Variants in OVOL2 observed in about 807,000 individuals in gnomAD.
OVOL2 encodes the protein ovo like zinc finger 2, also known as transcription factor Ovo-like 2.
In OVOL2, 13 loss-of-function variants were observed where a neutral mutation model predicts 18.1. The ratio of observed to expected loss-of-function variants is 0.72; its 90% confidence interval spans 0.47 to 1.14. OVOL2 has a LOEUF of 1.14. Ranked by LOEUF, OVOL2 falls within the 50% of genes most tolerant of loss-of-function variation. OVOL2 has a pLI of 0.00. For missense variants in OVOL2, 335 were observed against 383.0 expected (o/e 0.87, Z 1.05); for synonymous variants, 166 against 162.7 (o/e 1.02, Z -0.16).
chr20:18,047,927 A>C (rs1255276555), intron 2 of OVOL2, among the ~76,000 whole-genome samples: 1 of 151,782 alleles, frequency 6.6e-6, no homozygotes. Context: ...GGTGCTTTGT[A>C]AGTCCTATTA....
At chr20:18,048,446 G>A (rs1010513450) in intron 2 of OVOL2, among the ~76,000 whole-genome samples, 1 of 152,122 alleles carries the variant, frequency 6.6e-6, no homozygotes, top group African/African-American at 2.4e-5. Flanking sequence ...CTGAAAAACA[G>A]CTGGGTATAG....
intron 2 of OVOL2, among the ~76,000 whole-genome samples, chr20:18,053,701 CAA>C (rs3078037): frequency 0.38 from 40,282 of 106,718 alleles, 6,226 homozygotes; most frequent in African/African-American, 0.48. Context: ...GACTCTGTCT[CAA>C]AAAAAAAAAA....
chr20:18,056,789 C>T lies in OVOL2; in HGVS notation c.189G>A (p.Gly63=). 6.7e-7 allele frequency: 1 copy of T among 1,500,226 alleles called. No individual in the cohort carries two copies. The highest frequency in any genetic ancestry group is 8.8e-7 in the Non-Finnish European group (1 of 1,132,132). The allele number at this position is 1,500,226 out of a possible 1,614,324, so 92.9% of individuals were successfully genotyped here. ...AGCTGCTCTCTGCTCCTCCAGGCTC[C>T]CCCGCGCTGCTGCTGCCGCTGCCGC... ...SSSGSGSSSA[G]EPGGAESSSS... is the part of the protein sequence containing the mutation. The change falls in exon 2 of 4, where the codon GGG becomes GGA. Residue 63 remains glycine (G), a synonymous_variant. Coordinates refer to ENST00000278780, the MANE Select transcript of OVOL2 (RefSeq NM_021220.4). The surrounding 1 kb of genome is among the most constrained non-coding windows in gnomAD (Gnocchi z 4.2).
chr20:18,033,836 C>G (rs2036591963), intron 3 of OVOL2, among the ~76,000 whole-genome samples: 1 of 152,174 alleles, frequency 6.6e-6, no homozygotes, highest in Non-Finnish European at 1.5e-5. Flanking sequence ...AAATCGTTTA[C>G]TTCAACAGAG....
chr20:18,058,449 C>T (rs1030995362), upstream of OVOL2, among the ~76,000 whole-genome samples: 4 of 143,394 alleles, frequency 2.8e-5, no homozygotes, highest in African/African-American at 1.0e-4. Context: ...AATTCGGCAT[C>T]TTTAGACCAC....
At position 18,057,757 on chromosome 20, in the gene OVOL2, C is replaced by G. The variant is rs1221763510; in HGVS notation, c.-123G>C. 8.4e-6 allele frequency: 12 copies of G among 1,420,278 alleles called. No individual in the cohort carries two copies. Among genetic ancestry groups the G allele is most frequent in the Non-Finnish European group, 9.1e-6 (10 of 1,094,668 alleles). The allele number at this position is 1,420,278 out of a possible 1,614,324, so 88.0% of individuals were successfully genotyped here. A position where few individuals can be genotyped will look rare whatever the true frequency, so the allele number is the denominator to read the frequency against. On this transcript the variant is annotated 5_prime_UTR_variant, in exon 1 of 4. Transcript: ENST00000278780. The surrounding 1 kb of genome is among the most constrained non-coding windows in gnomAD (Gnocchi z 6.3). The stretch of plus-strand genomic sequence containing the variant: ...CCCACCTTCCCGCCTCGCCTGCCCT[C>G]TTCCTCCACCCCCCGCCGCGGCGCG...
chr20:18,057,104 C>T lies in OVOL2; in HGVS notation c.101-227G>A, dbSNP rs1457610840. 6.6e-6 allele frequency among the ~76,000 whole-genome samples: 1 copy of T among 152,206 alleles called. No homozygotes were observed. The stretch of plus-strand genomic sequence containing the variant: ...CCCAGCCAAGGCGCCCACGAGGAAC[C>T]GGGCGGCCACGAGCGGCGGAGGACC... On this transcript the variant is annotated intron_variant, in intron 1 of 3. Coordinates refer to ENST00000278780, the MANE Select transcript of OVOL2 (RefSeq NM_021220.4). The surrounding 1 kb of genome is among the most constrained non-coding windows in gnomAD (Gnocchi z 6.3).
chr20:18,041,496 T>A lies in OVOL2; in HGVS notation c.511+38A>T, dbSNP rs1430782231. 3.8e-6 allele frequency: 6 copies of A among 1,583,566 alleles called. No homozygotes were observed. In the East Asian group the frequency reaches 1.4e-4, roughly 36 times the overall value. On this transcript the variant is annotated intron_variant, in intron 3 of 3. Transcript: ENST00000278780. ...AAGAAACAGGAGCTCTTGGCCAGAATAACAAAACAGAGAACAAAGCACGCA... is the reference window on the plus strand; with the variant it reads ...AAGAAACAGGAGCTCTTGGCCAGAAAAACAAAACAGAGAACAAAGCACGCA...
Position 18,056,557 on chromosome 20 carries a change from C to T in OVOL2, c.321+100G>A. On this transcript the variant is annotated intron_variant, in intron 2 of 3. Coordinates refer to ENST00000278780, the MANE Select transcript of OVOL2 (RefSeq NM_021220.4). The surrounding 1 kb of genome is among the most constrained non-coding windows in gnomAD (Gnocchi z 4.2). ...GCGGGCGCGCTCGGGGCGCGGGTGCCGGGTTGCGCAGGCGGGCGCGGCAGG... is the reference window on the plus strand; with the variant it reads ...GCGGGCGCGCTCGGGGCGCGGGTGCTGGGTTGCGCAGGCGGGCGCGGCAGG... 8.5e-7 allele frequency: 1 copy of T among 1,183,360 alleles called. No homozygotes were observed. The highest frequency in any genetic ancestry group is 1.0e-6 in the Non-Finnish European group (1 of 956,234). The allele number at this position is 1,183,360 out of a possible 1,614,324, so 73.3% of individuals were successfully genotyped here. A position where few individuals can be genotyped will look rare whatever the true frequency, so the allele number is the denominator to read the frequency against.
chr20:18,026,792 G>T (rs1171896785), intron 3 of OVOL2, among the ~76,000 whole-genome samples: 3 of 152,096 alleles, frequency 2.0e-5, no homozygotes, highest in African/African-American at 7.2e-5. Context: ...CTGAGGTCAG[G>T]TAAGGTAGTG....
In OVOL2 at chr20:18,034,668, C is replaced by T. The variant is rs543384518; in HGVS notation, c.511+6866G>A. 4.1e-3 allele frequency among the ~76,000 whole-genome samples: 627 copies of T among 151,568 alleles called. 5 individuals carry two copies. The highest frequency in any genetic ancestry group is 0.015 in the African/African-American group (609 of 41,268). ...TCTCTCTCTCACACACACACACACA[C>T]ACACCCCTCCGATTTACCTTTCTTG... On this transcript the variant is annotated intron_variant, in intron 3 of 3. Transcript: ENST00000278780.
At chr20:18,032,952 C>A (rs1291127732) in intron 3 of OVOL2, among the ~76,000 whole-genome samples, 1 of 151,974 alleles carries the variant, frequency 6.6e-6, no homozygotes, top group Non-Finnish European at 1.5e-5. Flanking sequence ...ACCTTTTTAG[C>A]TAAAAAGTAA....
intron 2 of OVOL2, among the ~76,000 whole-genome samples, chr20:18,054,316 A>C (rs551187040): frequency 9.2e-5 from 14 of 152,348 alleles, no homozygotes; most frequent in African/African-American, 3.4e-4. Context: ...TGGAAGGAAC[A>C]CCAGGGTGGG....
intron 2 of OVOL2, among the ~76,000 whole-genome samples, chr20:18,044,956 C>T (rs2036711961): frequency 6.6e-6 from 1 of 152,042 alleles, no homozygotes; most frequent in African/African-American, 2.4e-5. Flanking sequence ...TAGGAGTCTA[C>T]CTTGAGGGCC....
chr20:18,051,050 TG>T (rs780595055), intron 2 of OVOL2, among the ~76,000 whole-genome samples: 5 of 152,094 alleles, frequency 3.3e-5, no homozygotes, highest in Non-Finnish European at 5.9e-5. Flanking sequence ...AAAAACGGCT[TG>T]AATCCATAAT....
chr20:18,024,358 A>C lies in OVOL2; in HGVS notation c.*278T>G. On this transcript the variant is annotated 3_prime_UTR_variant, in exon 4 of 4. Transcript: ENST00000278780. The stretch of plus-strand genomic sequence containing the variant: ...GTGTGTGAAAATCCTTGGGGGAAAA[A>C]AAAATCCCACACGGTGTTCTTGGCC... The C allele has an allele frequency of 2.4e-6, 1 of 417,954 alleles. No individual in the cohort carries two copies. Among genetic ancestry groups the C allele is most frequent in the South Asian group, 6.7e-5 (1 of 14,886 alleles). The allele number at this position is 417,954 out of a possible 1,614,324, so 25.9% of individuals were successfully genotyped here. A position where few individuals can be genotyped will look rare whatever the true frequency, so the allele number is the denominator to read the frequency against.
intron 2 of OVOL2, among the ~76,000 whole-genome samples, chr20:18,055,481 A>G (rs978655996): frequency 4.6e-5 from 7 of 152,134 alleles, no homozygotes; most frequent in Non-Finnish European, 8.8e-5. Context: ...ACTTACCGCT[A>G]AGCTGCCGGC....
At chr20:18,049,136 A>G (rs1005935164) in intron 2 of OVOL2, among the ~76,000 whole-genome samples, 2 of 152,204 alleles carry the variant, frequency 1.3e-5, no homozygotes, top group African/African-American at 2.4e-5. Flanking sequence ...TGTTTTCTGC[A>G]GGATCTCGGC....
intron 3 of OVOL2, among the ~76,000 whole-genome samples, chr20:18,039,607 CAAA>C (rs111619803): frequency 3.4e-5 from 3 of 87,044 alleles, no homozygotes; most frequent in Admixed American, 1.2e-4. Flanking sequence ...GACGCTGTCT[CAAA>C]AAAAAAAAAA....
Sources: allele counts gnomAD v4.1 joint callset (sites outside exome capture counted in the v4.1 genomes callset), GRCh38; gene constraint gnomAD v4.1.1; non-coding constraint Gnocchi (gnomAD v3.1); transcripts MANE v1.5; gene names NCBI Gene and HGNC (gene_info 2026-07-23, HGNC 2026-07-21).